SH2D6: variants seen among roughly 807,000 people sequenced by gnomAD.
SH2D6 encodes the protein SH2 domain containing 6.
Under a neutral mutation model 30.2 loss-of-function variants are expected in SH2D6, and 31 were observed. The observed-to-expected ratio is 1.03, with a 90% CI of 0.77 to 1.38. SH2D6 has a LOEUF of 1.38. SH2D6 is among the 40% of genes most tolerant of loss of function. The pLI is 0.00. For missense variants in SH2D6, 240 were observed against 266.8 expected, an observed-to-expected ratio of 0.90 and a Z score of 0.70; for synonymous variants, 93 against 104.6, an observed-to-expected ratio of 0.89 and a Z score of 0.68.
chr2:85,434,972 AC>A (rs1558765432), intron 19 of SH2D6, 92 bp from the exon 20 acceptor site: 10 of 1,569,076 alleles, frequency 6.4e-6, no homozygotes, highest in Admixed American at 1.8e-5. Flanking sequence ...GCCTCCTCCT[AC>A]CCCCCACCCC....
rs1688734004 is a variant in SH2D6, at chr2:85,432,099, C to G, written c.370+140C>G. On this transcript the variant is annotated intron_variant, in intron 14 of 23. Coordinates refer to ENST00000469800, the MANE Select transcript of SH2D6 (RefSeq NM_001394463.1). ...CTCCCCTGGCTGTGCCCCTTTTTAA[C>G]CTACCAATCCTCTAAGGTAGGCAGG... 2.0e-5 allele frequency: 3 copies of G among 152,500 alleles called. No individual in the cohort carries two copies. The South Asian group carries it at 6.2e-4, about 32-fold the overall frequency. 9.4% of individuals were successfully genotyped at this position (152,500 alleles called of 1,614,324 possible). A position where few individuals can be genotyped will look rare whatever the true frequency, so the allele number is the denominator to read the frequency against.
At chr2:85,427,796 C>A (rs1688183990) in intron 6 of SH2D6, among the ~76,000 whole-genome samples, 1 of 152,122 alleles carries the variant, frequency 6.6e-6, no homozygotes, top group South Asian at 2.1e-4. Context: ...CCCTTTGTAC[C>A]AAATGGGCTC....
intron 7 of SH2D6, among the ~76,000 whole-genome samples, chr2:85,429,012 C>T (rs187643668): frequency 3.3e-4 from 51 of 152,322 alleles, no homozygotes; most frequent in Non-Finnish European, 1.5e-4. Context: ...TCTTTCTAAG[C>T]GCTTCCCTCG....
chr2:85,435,791 T>C lies in SH2D6; in HGVS notation c.858T>C (p.Tyr286=), dbSNP rs761971736. 4 of 1,603,434 alleles carry C rather than the reference T, an allele frequency of 2.5e-6. No individual in the cohort carries two copies. In the Admixed American group the frequency reaches 5.2e-5, roughly 21 times the overall value. ...GGCGGCTGGATGGCGGACGCCACTA[T>C]GCCCTGGGCCGGGAGGGCAGGAACC... The part of the protein sequence containing the change: ...PIRRLDGGRH[Y]ALGREGRNRE... The change falls in exon 22 of 24, where the codon TAT becomes TAC. Residue 286 remains tyrosine (Y), a synonymous_variant. Transcript: ENST00000469800.
intron 22 of SH2D6, among the ~76,000 whole-genome samples, chr2:85,436,248 G>A (rs1689445142): frequency 1.3e-5 from 2 of 152,236 alleles, no homozygotes; most frequent in Non-Finnish European, 2.9e-5. Flanking sequence ...GGACATAAGA[G>A]TCTGGCCAGT....
At position 85,436,523 on chromosome 2, in the gene SH2D6, G is replaced by C; in HGVS notation, c.949G>C (p.Val317Leu). Residue 317 changes from valine (V) to leucine (L), a missense_variant, in exon 23 of 24, where the codon GTG becomes CTG. Coordinates refer to ENST00000469800, the MANE Select transcript of SH2D6 (RefSeq NM_001394463.1). ...QHFMWHPLPL[V>L]DRHSGSRELT... ...CTTCATGTGGCACCCTCTGCCCCTT[G>C]TGGACAGACACAGCGGCAGCCGGGA... 1.2e-6 allele frequency: 2 copies of C among 1,613,768 alleles called. No individual in the cohort carries two copies. Among genetic ancestry groups the C allele is most frequent in the Non-Finnish European group, 1.7e-6 (2 of 1,180,012 alleles).
intron 2 of SH2D6, among the ~76,000 whole-genome samples, chr2:85,419,720 G>C (rs1427182853): frequency 6.6e-6 from 1 of 152,214 alleles, no homozygotes; most frequent in Non-Finnish European, 1.5e-5. Context: ...GTCAATGAAG[G>C]TTTAGCCATG....
chr2:85,434,617 TA>T (rs532727235), intron 19 of SH2D6, 120 bp downstream of exon 19: 120,603 of 978,574 alleles, frequency 0.12, 37 homozygotes, highest in East Asian at 0.17. Context: ...TGACTAGACT[TA>T]AAAAAAAAAA....
chr2:85,420,648 A>G (rs959606470), intron 2 of SH2D6, among the ~76,000 whole-genome samples: 6 of 152,270 alleles, frequency 3.9e-5, no homozygotes, highest in Admixed American at 3.3e-4. Flanking sequence ...TGGCTAAGGA[A>G]GGGCAAAGCC....
At position 85,429,379 on chromosome 2, in the gene SH2D6, A is replaced by G. The variant is rs1688343530; in HGVS notation, c.-87A>G. On this transcript the variant is annotated 5_prime_UTR_variant, in exon 8 of 24. Transcript: ENST00000469800. The stretch of plus-strand genomic sequence containing the variant: ...TACCTTCCTGGTGTTTAGGAGATGC[A>G]AATGATGGGAACAATGGAGCCCTTG... The G allele has an allele frequency of 6.6e-6, 1 of 152,252 alleles. No individual in the cohort carries two copies. The highest frequency in any genetic ancestry group is 1.5e-5 in the Non-Finnish European group (1 of 68,060). 9.4% of individuals were successfully genotyped at this position (152,252 alleles called of 1,614,324 possible). A position where few individuals can be genotyped will look rare whatever the true frequency, so the allele number is the denominator to read the frequency against.
intron 2 of SH2D6, among the ~76,000 whole-genome samples, chr2:85,420,439 T>G (rs1687707574): frequency 6.6e-6 from 1 of 152,188 alleles, no homozygotes; most frequent in Non-Finnish European, 1.5e-5. Context: ...TCTCTTATTA[T>G]TAGAAATCTT....
At position 85,434,353 on chromosome 2, in the gene SH2D6, C is replaced by T; in HGVS notation, c.547C>T (p.Pro183Ser). The T allele has an allele frequency of 2.6e-6, 4 of 1,548,890 alleles. No individual in the cohort carries two copies. Among genetic ancestry groups the T allele is most frequent in the Non-Finnish European group, 3.5e-6 (4 of 1,145,686 alleles). The change falls in exon 18 of 24, where the codon CCC becomes TCC. Residue 183 changes from proline (P) to serine (S), a missense_variant. Coordinates refer to ENST00000469800, the MANE Select transcript of SH2D6 (RefSeq NM_001394463.1). ...TSVVPRPTTA[P>S]QETRNGTADA... ...TGCTTCCCACAGGCCTACCACAGCC[C>T]CCCAGGAAACTCGGAATGTAAGAGG...
At chr2:85,426,269 C>T (rs1307296502) in intron 6 of SH2D6, among the ~76,000 whole-genome samples, 1 of 152,176 alleles carries the variant, frequency 6.6e-6, no homozygotes, top group Non-Finnish European at 1.5e-5. Flanking sequence ...CAAAAATGAC[C>T]TCAAGTATTT....
rs79274494 is a variant in SH2D6, at chr2:85,422,452, G to A, written c.-442G>A. On this transcript the variant is annotated 5_prime_UTR_variant, in exon 4 of 24. Coordinates refer to ENST00000469800, the MANE Select transcript of SH2D6 (RefSeq NM_001394463.1). ...AAGTCAACAGGACACAGAATGGTCT[G>A]CCTGGGCCTCAGTCACATTGGAGGA... The A allele has an allele frequency of 0.024, 3,730 of 152,340 alleles. 74 individuals are homozygous for A. Among genetic ancestry groups the A allele is most frequent in the African/African-American group, 0.054 (2,261 of 41,554 alleles). 9.4% of individuals were successfully genotyped at this position (152,340 alleles called of 1,614,324 possible). A position where few individuals can be genotyped will look rare whatever the true frequency, so the allele number is the denominator to read the frequency against.
At chr2:85,419,400 G>GCT (rs1461663992) in intron 2 of SH2D6, among the ~76,000 whole-genome samples, 156 bp downstream of exon 2, 15 of 152,200 alleles carry the variant, frequency 9.9e-5, no homozygotes, top group Admixed American at 9.8e-4. Flanking sequence ...CTACAGAAGG[G>GCT]ACTTACCCAG....
At position 85,432,262 on chromosome 2, in the gene SH2D6, T is replaced by A. The variant is rs555497080; in HGVS notation, c.370+303T>A. ...CGGCTGCTCTGATTTTTTTTTTTTT[T>A]ATTGAGTCGGAGTCTCGCTCTGTTA... On this transcript the variant is annotated intron_variant, in intron 14 of 23. Transcript: ENST00000469800. Among the ~76,000 whole-genome samples, 652 of 150,792 alleles carry A rather than the reference T, an allele frequency of 4.3e-3. 4 individuals are homozygous for A. The highest frequency in any genetic ancestry group is 6.5e-3 in the Non-Finnish European group (437 of 67,174).
In SH2D6 at chr2:85,431,273, G is replaced by C. The variant is rs533016987; in HGVS notation, c.309+5G>C. The C allele has an allele frequency of 6.5e-6, 1 of 152,832 alleles. No individual in the cohort carries two copies. Among genetic ancestry groups the C allele is most frequent in the African/African-American group, 2.4e-5 (1 of 41,550 alleles). The allele number at this position is 152,832 out of a possible 1,614,324, so 9.5% of individuals were successfully genotyped here. ...CCCCTGCCTCAGCCCACCATGGTGAGAGGCCTCTCCAGAAGTCCCTCCTTC... is the reference window on the plus strand; with the variant it reads ...CCCCTGCCTCAGCCCACCATGGTGACAGGCCTCTCCAGAAGTCCCTCCTTC... On this transcript the variant is annotated splice_donor_5th_base_variant and intron_variant, in intron 13 of 23. Transcript: ENST00000469800.
intron 2 of SH2D6, 39 bp from the exon 3 acceptor site, chr2:85,422,164 T>C (rs1371508682): frequency 6.7e-6 from 1 of 150,374 alleles, no homozygotes; most frequent in African/African-American, 2.4e-5. Context: ...TTTCTTTCTT[T>C]CTTTTTTTTT....
At position 85,434,295 on chromosome 2, in the gene SH2D6, A is replaced by G. The variant is rs1341382482; in HGVS notation, c.534-45A>G. On this transcript the variant is annotated intron_variant, in intron 17 of 23. Coordinates refer to ENST00000469800, the MANE Select transcript of SH2D6 (RefSeq NM_001394463.1). The stretch of plus-strand genomic sequence containing the variant: ...GGGTTCACTGGCCCTTTCTCTTGAA[A>G]AACATAAAGACCCTGAGTTCTGTCC... 2.0e-6 allele frequency: 3 copies of G among 1,523,678 alleles called. No individual in the cohort carries two copies. In the Admixed American group the frequency reaches 6.3e-5, roughly 32 times the overall value. The allele number at this position is 1,523,678 out of a possible 1,614,324, so 94.4% of individuals were successfully genotyped here. A position where few individuals can be genotyped will look rare whatever the true frequency, so the allele number is the denominator to read the frequency against.
Sources: allele counts gnomAD v4.1 joint callset (sites outside exome capture counted in the v4.1 genomes callset), GRCh38; gene constraint gnomAD v4.1.1; transcripts MANE v1.5; gene names NCBI Gene and HGNC (gene_info 2026-07-23, HGNC 2026-07-21).